Variants in RALYL observed in about 807,000 individuals in gnomAD.
RALYL encodes RNA-binding Raly-like protein.
Under a neutral mutation model 35.1 loss-of-function variants are expected in RALYL, and 29 were observed. The ratio of observed to expected loss-of-function variants is 0.83; its 90% CI spans 0.61 to 1.13. The LOEUF (loss-of-function observed/expected upper bound fraction) is 1.13. RALYL is among the 50% of genes most tolerant of loss of function. The pLI, the probability that RALYL is intolerant of heterozygous loss-of-function variation, is 0.00. For synonymous variants in RALYL, 120 were observed against 127.6 expected, an observed-to-expected ratio of 0.94 and a Z score of 0.40; for missense variants, 359 against 360.4, an observed-to-expected ratio of 1.00 and a Z score of 0.03.
chr8:84,445,548 T>C (rs1197667505), intron 1 of RALYL, among the ~76,000 whole-genome samples: 1 of 151,874 alleles, frequency 6.6e-6, no homozygotes, highest in East Asian at 1.9e-4. Context: ...CTATGTTTGT[T>C]TGGAAATTAA....
chr8:84,415,205 G>GTTTTTTTTTTTTTTTTTTT (rs33962115), intron 1 of RALYL, among the ~76,000 whole-genome samples: 2 of 54,662 alleles, frequency 3.7e-5, no homozygotes, highest in African/African-American at 5.2e-5. Flanking sequence ...GCAGACACTC[G>GTTTTTTTTTTTTTTTTTTT]TTTTTTTTTT....
intron 4 of RALYL, among the ~76,000 whole-genome samples, chr8:84,817,531 T>TTTATTA (rs59809592): frequency 0.046 from 6,803 of 147,450 alleles, 415 homozygotes; most frequent in African/African-American, 0.14. Flanking sequence ...TAACTAATCT[T>TTTATTA]TTATTATTAT....
intron 2 of RALYL, among the ~76,000 whole-genome samples, chr8:84,531,706 T>C (rs1225760862): frequency 1.3e-5 from 2 of 152,098 alleles, no homozygotes; most frequent in African/African-American, 4.8e-5. Flanking sequence ...ATTATTTTTG[T>C]TGTTTGAAAA....
chr8:84,701,478 A>ATT (rs1190785831), intron 2 of RALYL, among the ~76,000 whole-genome samples: 1 of 152,204 alleles, frequency 6.6e-6, no homozygotes, highest in African/African-American at 2.4e-5. Context: ...CTCTATATAC[A>ATT]GTGTCTTGAC....
intron 1 of RALYL, among the ~76,000 whole-genome samples, chr8:84,435,185 A>ATTTCTTT (rs1439327437): frequency 6.6e-6 from 1 of 151,934 alleles, no homozygotes; most frequent in Non-Finnish European, 1.5e-5. Flanking sequence ...TGATTCTAAC[A>ATTTCTTT]CTGTGATTAT....
At chr8:84,578,655 C>T (rs1397093330) in intron 2 of RALYL, among the ~76,000 whole-genome samples, 1 of 152,162 alleles carries the variant, frequency 6.6e-6, no homozygotes, top group African/African-American at 2.4e-5. Context: ...AAGTGGGTAG[C>T]TCCTATCCAC....
chr8:84,375,709 AGTAATAATAAGCATTCAACTTATTT>A (rs1390764751), intron 1 of RALYL, among the ~76,000 whole-genome samples: 3 of 151,864 alleles, frequency 2.0e-5, no homozygotes, highest in Non-Finnish European at 4.4e-5. Context: ...TATTATAATA[AGTAATAATAAGCATTCAACTTATTT>A]GCCAAAGTAG....
chr8:84,635,234 A>C (rs1174604894), intron 2 of RALYL, among the ~76,000 whole-genome samples: 1 of 151,746 alleles, frequency 6.6e-6, no homozygotes, highest in African/African-American at 2.4e-5. Flanking sequence ...AAAGCGAAAC[A>C]ATATTGAATT....
intron 2 of RALYL, among the ~76,000 whole-genome samples, chr8:84,735,837 AGAG>A: frequency 6.6e-6 from 1 of 151,558 alleles, no homozygotes; most frequent in East Asian, 1.9e-4. Flanking sequence ...AGAGAGAGAG[AGAG>A]AGAGAGAGAA....
intron 2 of RALYL, among the ~76,000 whole-genome samples, chr8:84,539,862 A>ATATATATG (rs2059889336): frequency 1.7e-5 from 1 of 58,616 alleles, no homozygotes; most frequent in African/African-American, 6.6e-5. Flanking sequence ...ATGTATATAT[A>ATATATATG]TATATATATA....
At chr8:84,599,031 G>A (rs747834292) in intron 2 of RALYL, among the ~76,000 whole-genome samples, 22 of 151,952 alleles carry the variant, frequency 1.4e-4, no homozygotes, top group African/African-American at 4.3e-4. Context: ...TTAGTGATGC[G>A]GAACATTCAA....
intron 1 of RALYL, among the ~76,000 whole-genome samples, chr8:84,290,237 T>G (rs1358987439): frequency 1.3e-5 from 2 of 152,172 alleles, no homozygotes; most frequent in Admixed American, 1.3e-4. Flanking sequence ...GGTCCATATC[T>G]TCCATGTTTT....
chr8:84,432,254 A>G (rs2047222859), intron 1 of RALYL, among the ~76,000 whole-genome samples: 1 of 152,194 alleles, frequency 6.6e-6, no homozygotes, highest in Non-Finnish European at 1.5e-5. Flanking sequence ...GGAAGCCATT[A>G]TGCTAAGTGA....
chr8:84,672,834 G>A (rs980332290), intron 2 of RALYL, among the ~76,000 whole-genome samples: 1 of 152,168 alleles, frequency 6.6e-6, no homozygotes, highest in Admixed American at 6.5e-5. Flanking sequence ...GATTGTGGGA[G>A]CTACAGTTCA....
intron 1 of RALYL, among the ~76,000 whole-genome samples, chr8:84,322,864 G>A (rs1266515872): frequency 1.3e-5 from 2 of 151,982 alleles, no homozygotes; most frequent in Non-Finnish European, 2.9e-5. Flanking sequence ...ATTGCTGCTA[G>A]GATACTTTCA....
intron 1 of RALYL, among the ~76,000 whole-genome samples, chr8:84,267,317 A>G (rs1022907072): frequency 3.9e-5 from 6 of 152,228 alleles, no homozygotes; most frequent in African/African-American, 1.4e-4. Context: ...TGTAAACTCC[A>G]GAAGCCTCTA....
At chr8:84,813,326 G>A (rs1459788951) in intron 4 of RALYL, among the ~76,000 whole-genome samples, 1 of 152,108 alleles carries the variant, frequency 6.6e-6, no homozygotes, top group Non-Finnish European at 1.5e-5. Context: ...GGTCCTCTTG[G>A]GATTGCTGGT....
chr8:84,825,823 G>T lies in RALYL; in HGVS notation c.365+21021G>T, dbSNP rs574292256. ...GCAGAGGTTGCAGTGAGTCAAGATTGTGCCACTGCACTCAGCCTGGGAAAT... is the reference window on the plus strand; with the variant it reads ...GCAGAGGTTGCAGTGAGTCAAGATTTTGCCACTGCACTCAGCCTGGGAAAT... On this transcript the variant is annotated intron_variant, in intron 4 of 8. Transcript: ENST00000521268. Among the ~76,000 whole-genome samples the T allele has an allele frequency of 8.9e-4, 135 of 152,210 alleles. 1 individual carries two copies. The highest frequency in any genetic ancestry group is 2.9e-3 in the African/African-American group (120 of 41,522).
chr8:84,606,781 A>G (rs965954378), intron 2 of RALYL, among the ~76,000 whole-genome samples: 3 of 152,240 alleles, frequency 2.0e-5, no homozygotes, highest in South Asian at 4.2e-4. Flanking sequence ...AAAACTGAGT[A>G]TTAAAAAGGC....
Sources: gnomAD v4.1 joint callset for allele counts (sites outside exome capture counted in the v4.1 genomes callset) on GRCh38, gnomAD v4.1.1 for gene constraint, MANE v1.5 for transcripts, NCBI Gene and HGNC (gene_info 2026-07-23, HGNC 2026-07-21) for gene names.